The following MTHFSD variants were observed in gnomAD, a reference collection of about 807,000 sequenced individuals.
MTHFSD encodes the protein methenyltetrahydrofolate synthase domain-containing protein.
A neutral mutation model predicts 31.1 loss-of-function variants in MTHFSD; 37 were observed. The observed-to-expected ratio is 1.19, with a 90% CI of 0.91 to 1.56. The LOEUF (loss-of-function observed/expected upper bound fraction) is 1.56, where lower values mean the gene tolerates loss of function less well. Ranked by LOEUF, MTHFSD falls within the 40% of genes most tolerant of loss-of-function variation. The pLI is 0.00. For missense variants in MTHFSD, 664 were observed against 510.1 expected (o/e 1.30, Z -2.91); for synonymous variants, 221 against 206.9 (o/e 1.07, Z -0.59).
Position 86,546,622 on chromosome 16 carries a change from C to T in MTHFSD, c.379G>A (p.Gly127Ser). Residue 127 changes from glycine to serine, a missense_variant, in exon 5 of 8, where the codon GGC becomes AGC. Gly to Ser is a moderately conservative substitution (Grantham distance 56, BLOSUM62 0). Transcript: ENST00000360900. ...TCCACGAGGACTCTGGAGTCCAAGC[C>T]TATGGGGACACTGTAGTTCCTCACA... ...QGVRNYSVPIGLDSRVLVDLV... is the reference protein window; with the variant it reads ...QGVRNYSVPISLDSRVLVDLV... 1 of 1,613,954 alleles carries T rather than the reference C, an allele frequency of 6.2e-7. No individual in the cohort carries two copies. Among genetic ancestry groups the T allele is most frequent in the Non-Finnish European group, 8.5e-7 (1 of 1,180,010 alleles).
In MTHFSD at chr16:86,539,238, T is replaced by A. The variant is rs545865201; in HGVS notation, c.681+2459A>T. Among the ~76,000 whole-genome samples, 28 of 152,272 alleles carry A rather than the reference T, an allele frequency of 1.8e-4. No homozygotes were observed. In the South Asian group the frequency reaches 5.2e-3, roughly 28 times the overall value. On this transcript the variant is annotated intron_variant, in intron 7 of 7. Transcript: ENST00000360900. ...TGGAGAGCCGGGGTCAGTGCCTTTC[T>A]CTCCTTGTCCTCCACTGAGAGGTAC... is the stretch of plus-strand genomic sequence containing the variant.
At chr16:86,547,549 C>CG (rs1972508178) in intron 4 of MTHFSD, 1 of 987,418 alleles carries the variant, frequency 1.0e-6, no homozygotes, top group Non-Finnish European at 1.2e-6. Context: ...GCAGGGTCCA[C>CG]GGGGGCAGGC....
At chr16:86,546,964 G>C (rs1344923877) in intron 4 of MTHFSD, among the ~76,000 whole-genome samples, 1 of 152,168 alleles carries the variant, frequency 6.6e-6, no homozygotes, top group Non-Finnish European at 1.5e-5. Context: ...GAAAACACAG[G>C]GGCAGAGTCC....
chr16:86,543,244 C>T (rs1221883989), intron 5 of MTHFSD, among the ~76,000 whole-genome samples: 2 of 152,212 alleles, frequency 1.3e-5, no homozygotes, highest in Non-Finnish European at 2.9e-5. Context: ...AAAGTCAAAG[C>T]TGGCTCACTC....
intron 6 of MTHFSD, 127 bp from the exon 7 acceptor site, chr16:86,541,949 T>G: frequency 2.1e-6 from 3 of 1,411,166 alleles, no homozygotes; most frequent in Non-Finnish European, 2.9e-6. Context: ...GGGCTAAGGC[T>G]TAGCCGCTGT....
At chr16:86,537,363 T>G (rs895586758) in intron 7 of MTHFSD, among the ~76,000 whole-genome samples, 1 of 152,144 alleles carries the variant, frequency 6.6e-6, no homozygotes, top group Admixed American at 6.5e-5. Context: ...CACTTTCTCC[T>G]GCCACAAAAT....
chr16:86,551,194 T>C (rs943383560), intron 3 of MTHFSD, among the ~76,000 whole-genome samples: 4 of 152,246 alleles, frequency 2.6e-5, no homozygotes. Flanking sequence ...TTAAAATTTA[T>C]ACCAAGTTTT....
rs1433693321 is a variant in MTHFSD, at chr16:86,531,946, C to T, written c.*65G>A. The T allele has an allele frequency of 6.8e-6, 8 of 1,171,960 alleles. No homozygotes were observed. The East Asian group carries it at 1.5e-4, about 22-fold the overall frequency. 72.6% of individuals were successfully genotyped at this position (1,171,960 alleles called of 1,614,324 possible). On this transcript the variant is annotated 3_prime_UTR_variant, in exon 8 of 8. Coordinates refer to ENST00000360900, the MANE Select transcript of MTHFSD (RefSeq NM_001159377.2). The surrounding 1 kb of genome is among the most constrained non-coding windows in gnomAD (Gnocchi z 5.5). ...GCCACGCAGGCCTCTCGAGTGCCAT[C>T]GGAACCGGAGCGGCAGGGGACGGGG...
chr16:86,538,485 C>T (rs1184996273), intron 7 of MTHFSD, among the ~76,000 whole-genome samples: 4 of 152,226 alleles, frequency 2.6e-5, no homozygotes, highest in African/African-American at 9.6e-5. Context: ...TGGGAGCTGG[C>T]TGGGACTCTG....
rs185517870 is a variant in MTHFSD at position 86,541,256 on chromosome 16, T to C, written c.681+441A>G. On this transcript the variant is annotated intron_variant, in intron 7 of 7. Coordinates refer to ENST00000360900, the MANE Select transcript of MTHFSD (RefSeq NM_001159377.2). Reference sequence around the variant, plus strand: ...ACAAAGGCTTGGTACTGCCTCCTACTCAGGCTAGATCTGCTTGAAGATCCA... The same window carrying C: ...ACAAAGGCTTGGTACTGCCTCCTACCCAGGCTAGATCTGCTTGAAGATCCA... The C allele has an allele frequency of 1.3e-3, 1,597 of 1,233,542 alleles. 22 individuals are homozygous for C. In the Admixed American group the frequency reaches 0.036, roughly 28 times the overall value. 76.4% of individuals were successfully genotyped at this position (1,233,542 alleles called of 1,614,324 possible). A position where few individuals can be genotyped will look rare whatever the true frequency, so the allele number is the denominator to read the frequency against.
chr16:86,546,523 C>T (rs760086384), intron 5 of MTHFSD, 36 bp downstream of exon 5: 3 of 1,577,794 alleles, frequency 1.9e-6, no homozygotes, highest in African/African-American at 1.3e-5. Context: ...TCAGGCAGAG[C>T]TGTCACACTC....
intron 5 of MTHFSD, among the ~76,000 whole-genome samples, chr16:86,543,173 C>T (rs1971770070): frequency 1.3e-5 from 2 of 152,204 alleles, no homozygotes; most frequent in African/African-American, 2.4e-5. Context: ...TGACTGCCTC[C>T]TAATTAGGTG....
At chr16:86,552,364 G>A (rs1567557487) in intron 2 of MTHFSD, 11 of 1,350,036 alleles carry the variant, frequency 8.1e-6, no homozygotes, top group East Asian at 2.5e-5. Context: ...CAAGCAGCTC[G>A]GCCCAGAATC....
chr16:86,539,675 T>TGCGCTGTA (rs1213939982), intron 7 of MTHFSD, among the ~76,000 whole-genome samples: 1 of 152,186 alleles, frequency 6.6e-6, no homozygotes, highest in East Asian at 1.9e-4. Context: ...ATCAAGGAGA[T>TGCGCTGTA]GCGCTGTTTA....
chr16:86,538,433 C>T lies in MTHFSD; in HGVS notation c.681+3264G>A, dbSNP rs1025184280. On this transcript the variant is annotated intron_variant, in intron 7 of 7. Transcript: ENST00000360900. Reference sequence around the variant, plus strand: ...GACCACGGGTCTCAACAGGAAGTTCCGTTCTTCTGTTGTCAGTGACTCATA... The same window carrying T: ...GACCACGGGTCTCAACAGGAAGTTCTGTTCTTCTGTTGTCAGTGACTCATA... Among the ~76,000 whole-genome samples the T allele has an allele frequency of 3.9e-5, 6 of 152,282 alleles. No individual in the cohort carries two copies. The East Asian group carries it at 7.7e-4, about 20-fold the overall frequency.
chr16:86,551,434 C>T (rs544046133), intron 3 of MTHFSD, among the ~76,000 whole-genome samples: 1 of 152,300 alleles, frequency 6.6e-6, no homozygotes, highest in African/African-American at 2.4e-5. Context: ...TAATCTTCCT[C>T]CTCTGATGAA....
Position 86,532,482 on chromosome 16 carries a change from C to G in MTHFSD, c.682-1G>C, listed in dbSNP as rs1970105383. 2 of 1,402,150 alleles carry G rather than the reference C, an allele frequency of 1.4e-6. No individual in the cohort carries two copies. Among genetic ancestry groups the G allele is most frequent in the East Asian group, 2.8e-5 (1 of 35,938 alleles). The allele number at this position is 1,402,150 out of a possible 1,614,324, so 86.9% of individuals were successfully genotyped here. On this transcript the variant is annotated splice_acceptor_variant, in intron 7 of 7. Coordinates refer to ENST00000360900, the MANE Select transcript of MTHFSD (RefSeq NM_001159377.2). LOFTEE classifies it high-confidence loss of function. The stretch of plus-strand genomic sequence containing the variant: ...TTTTCTCCATCATCTCCAGGCTGAT[C>G]TGAAAAGCAAAGCAGTTGCAGCTCT...
intron 7 of MTHFSD, chr16:86,533,153 G>A (rs1376604037): frequency 6.6e-6 from 1 of 152,254 alleles, no homozygotes; most frequent in African/African-American, 2.4e-5. Context: ...AATTGTATGC[G>A]ACTTGCAGAC....
Position 86,541,864 on chromosome 16 carries a change from C to A in MTHFSD, c.556-42G>T, listed in dbSNP as rs572552346. On this transcript the variant is annotated intron_variant, in intron 6 of 7. Transcript: ENST00000360900. Reference sequence around the variant, plus strand: ...GGGATAAAGGGGCTGCTGGGAATGCCACTGCAGTCGTGCACACTGCCCCGC... The same window carrying A: ...GGGATAAAGGGGCTGCTGGGAATGCAACTGCAGTCGTGCACACTGCCCCGC... 19 of 1,610,738 alleles carry A rather than the reference C, an allele frequency of 1.2e-5. 1 individual carries two copies. Among genetic ancestry groups the A allele is most frequent in the African/African-American group, 9.3e-5 (7 of 74,986 alleles).
Sources: allele counts gnomAD v4.1 joint callset (sites outside exome capture counted in the v4.1 genomes callset), GRCh38; gene constraint gnomAD v4.1.1; non-coding constraint Gnocchi (gnomAD v3.1); transcripts MANE v1.5; gene names NCBI Gene and HGNC (gene_info 2026-07-23, HGNC 2026-07-21).